FGF14: variants seen among roughly 807,000 people sequenced by gnomAD.
FGF14 encodes the protein fibroblast growth factor 14.
In FGF14, 5 loss-of-function variants were observed where a neutral mutation model predicts 25.5. That is an observed-to-expected ratio of 0.20 (90% CI 0.10 to 0.41). The LOEUF (loss-of-function observed/expected upper bound fraction) is 0.41. Ranked by LOEUF, FGF14 falls within the 10% of genes least tolerant of loss-of-function variation. The pLI, the probability that FGF14 is intolerant of heterozygous loss-of-function variation, is 1.00. For synonymous variants in FGF14, 138 were observed against 118.3 expected, an observed-to-expected ratio of 1.17 and a Z score of -1.08; for missense variants, 222 against 320.1, an observed-to-expected ratio of 0.69 and a Z score of 2.34.
At position 102,166,819 on chromosome 13, in the gene FGF14, T is replaced by C. The variant is rs185682851; in HGVS notation, c.208+234652A>G. ...CTGTGTTGAGGGGCTGAGGAAAATG[T>C]TGTGACCGGAGATTCACAAGAACCT... is the stretch of plus-strand genomic sequence containing the variant. On this transcript the variant is annotated intron_variant, in intron 1 of 4. Coordinates refer to the FGF14 transcript ENST00000376131. Among the ~76,000 whole-genome samples the C allele has an allele frequency of 2.6e-5, 4 of 152,304 alleles. No homozygotes were observed. The East Asian group carries it at 5.8e-4, about 22-fold the overall frequency.
chr13:102,297,568 A>G (rs2054786345), intron 1 of FGF14, among the ~76,000 whole-genome samples: 1 of 152,092 alleles, frequency 6.6e-6, no homozygotes, highest in Non-Finnish European at 1.5e-5. Flanking sequence ...CTGTAAATCT[A>G]AAACTATTCT....
chr13:101,926,514 C>T (rs960052407), intron 1 of FGF14, among the ~76,000 whole-genome samples: 1 of 152,200 alleles, frequency 6.6e-6, no homozygotes, highest in Non-Finnish European at 1.5e-5. Flanking sequence ...AAACGTACAG[C>T]AATTCTCAGT....
intron 1 of FGF14, among the ~76,000 whole-genome samples, chr13:101,977,100 T>C (rs1004081181): frequency 6.6e-6 from 1 of 152,134 alleles, no homozygotes; most frequent in Admixed American, 6.6e-5. Context: ...CATGAATAGA[T>C]AGAAGAATTT....
At chr13:101,764,887 A>T (rs568318863) in intron 3 of FGF14, among the ~76,000 whole-genome samples, 1 of 152,332 alleles carries the variant, frequency 6.6e-6, no homozygotes, top group East Asian at 1.9e-4. Context: ...CTTGGATGAG[A>T]ATTAGCATTT....
At chr13:101,914,020 A>G (rs2033219351) in intron 1 of FGF14, among the ~76,000 whole-genome samples, 1 of 152,134 alleles carries the variant, frequency 6.6e-6, no homozygotes, top group South Asian at 2.1e-4. Flanking sequence ...GTAAAGATTC[A>G]ATAATTGTTA....
At chr13:101,750,565 C>G (rs1231250225) in intron 3 of FGF14, among the ~76,000 whole-genome samples, 1 of 152,130 alleles carries the variant, frequency 6.6e-6, no homozygotes, top group Non-Finnish European at 1.5e-5. Context: ...TTGTGAATAA[C>G]AGGAGTGACT....
At chr13:102,215,461 G>A (rs539891819) in intron 1 of FGF14, among the ~76,000 whole-genome samples, 1 of 152,158 alleles carries the variant, frequency 6.6e-6, no homozygotes, top group East Asian at 1.9e-4. Flanking sequence ...ATATGTTTCA[G>A]GCAAATTGGC....
At chr13:102,268,558 C>T (rs2053103123) in intron 1 of FGF14, among the ~76,000 whole-genome samples, 1 of 151,918 alleles carries the variant, frequency 6.6e-6, no homozygotes, top group South Asian at 2.1e-4. Context: ...GTGAAAATCT[C>T]AATAGAGTTT....
chr13:102,253,467 T>C (rs2052292278), intron 1 of FGF14, among the ~76,000 whole-genome samples: 1 of 152,232 alleles, frequency 6.6e-6, no homozygotes, highest in Non-Finnish European at 1.5e-5. Flanking sequence ...ATAAATGTCT[T>C]CTTTTGAGAA....
At chr13:102,214,808 T>A (rs1264144213) in intron 1 of FGF14, among the ~76,000 whole-genome samples, 1 of 152,248 alleles carries the variant, frequency 6.6e-6, no homozygotes, top group Non-Finnish European at 1.5e-5. Context: ...AAGCATCTGA[T>A]AATGCATAGG....
At chr13:101,912,326 C>A (rs889819974) in intron 1 of FGF14, among the ~76,000 whole-genome samples, 20 of 152,268 alleles carry the variant, frequency 1.3e-4, no homozygotes, top group African/African-American at 4.1e-4. Flanking sequence ...AATACCATAG[C>A]TCTCATGATC....
chr13:102,066,777 A>G (rs1438234673), intron 1 of FGF14, among the ~76,000 whole-genome samples: 2 of 152,276 alleles, frequency 1.3e-5, no homozygotes, highest in East Asian at 3.9e-4. Flanking sequence ...TATCTCTTGC[A>G]TCTGCAGAAT....
chr13:101,964,031 A>G (rs1022947047), intron 1 of FGF14, among the ~76,000 whole-genome samples: 55 of 152,370 alleles, frequency 3.6e-4, no homozygotes, highest in South Asian at 1.0e-3. Context: ...TTTAAACCAC[A>G]AAGTCATAAG....
intron 1 of FGF14, among the ~76,000 whole-genome samples, chr13:102,158,234 G>A (rs566062864): frequency 1.6e-4 from 24 of 152,040 alleles, no homozygotes; most frequent in African/African-American, 4.6e-4. Flanking sequence ...TGTTTATTGC[G>A]GCACTATTCA....
intron 1 of FGF14, among the ~76,000 whole-genome samples, chr13:102,073,800 GT>G (rs1378321755): frequency 6.6e-6 from 1 of 152,170 alleles, no homozygotes; most frequent in Non-Finnish European, 1.5e-5. Context: ...GTTGAACTGT[GT>G]AAAAATTAAT....
chr13:102,078,831 A>G (rs1327761244), intron 1 of FGF14, among the ~76,000 whole-genome samples: 1 of 152,250 alleles, frequency 6.6e-6, no homozygotes, highest in African/African-American at 2.4e-5. Context: ...AAGGAAGAAT[A>G]TAACATGATC....
chr13:101,779,096 A>G (rs2039329476), intron 3 of FGF14: 1 of 152,186 alleles, frequency 6.6e-6, no homozygotes, highest in Non-Finnish European at 1.5e-5. Flanking sequence ...GCAAACATGG[A>G]TTTGTTATGT....
At chr13:102,225,946 T>C (rs759463715) in intron 1 of FGF14, among the ~76,000 whole-genome samples, 1 of 152,216 alleles carries the variant, frequency 6.6e-6, no homozygotes, top group Non-Finnish European at 1.5e-5. Flanking sequence ...TATTTATTCA[T>C]TGTTTCAATT....
intron 1 of FGF14, among the ~76,000 whole-genome samples, chr13:102,009,111 A>AT (rs2039952062): frequency 6.6e-6 from 1 of 152,184 alleles, no homozygotes; most frequent in Admixed American, 6.5e-5. Context: ...AAAAAGCCGT[A>AT]TATTTTACAT....
Sources: allele counts gnomAD v4.1 joint callset (sites outside exome capture counted in the v4.1 genomes callset), GRCh38; gene constraint gnomAD v4.1.1; transcripts MANE v1.5; gene names NCBI Gene and HGNC (gene_info 2026-07-23, HGNC 2026-07-21).